The following NPLOC4 variants were observed in gnomAD, a reference collection of about 807,000 sequenced individuals.
NPLOC4 encodes the protein nuclear protein localization protein 4 homolog.
Under a neutral mutation model 80.6 loss-of-function variants are expected in NPLOC4, and 18 were observed. The ratio of observed to expected loss-of-function variants is 0.22; its 90% CI spans 0.15 to 0.33. NPLOC4 has a LOEUF of 0.33. Among genes scored for constraint, NPLOC4 ranks in the 10% least tolerant of loss-of-function variants. The pLI is 1.00. For missense variants in NPLOC4, 540 were observed against 786.1 expected (o/e 0.69, Z 3.74); for synonymous variants, 313 against 301.5 (o/e 1.04, Z -0.39).
chr17:81,606,923 A>G, intron 6 of NPLOC4, 109 bp from the exon 7 acceptor site: 1 of 1,001,990 alleles, frequency 1.0e-6, no homozygotes. Flanking sequence ...CTCAGGAGCT[A>G]AGCACGTGGC....
intron 11 of NPLOC4, 79 bp from the exon 12 acceptor site, chr17:81,589,183 G>GA: frequency 8.0e-7 from 1 of 1,255,548 alleles, no homozygotes; most frequent in Non-Finnish European, 1.1e-6. Flanking sequence ...CTTCACCTCT[G>GA]ATCAACAGAA....
intron 8 of NPLOC4, among the ~76,000 whole-genome samples, chr17:81,603,246 C>G (rs1160682517): frequency 6.6e-6 from 1 of 152,122 alleles, no homozygotes; most frequent in Non-Finnish European, 1.5e-5. Flanking sequence ...ATGAATATAC[C>G]TTGTTTGTAA....
intron 3 of NPLOC4, among the ~76,000 whole-genome samples, chr17:81,618,098 G>A (rs184664525): frequency 0.034 from 5,223 of 152,154 alleles, 220 homozygotes; most frequent in East Asian, 0.22. Context: ...GAAGTGAGGA[G>A]CCTCTCTGCC....
At chr17:81,588,696 G>T (rs1373725071) in intron 12 of NPLOC4, among the ~76,000 whole-genome samples, 2 of 152,196 alleles carry the variant, frequency 1.3e-5, no homozygotes, top group Admixed American at 6.5e-5. Context: ...TGCAATGGTC[G>T]GATTTGGTGT....
intron 16 of NPLOC4, chr17:81,560,958 T>C (rs1274742212): frequency 6.6e-6 from 1 of 152,146 alleles, no homozygotes; most frequent in African/African-American, 2.4e-5. Flanking sequence ...TGATGACTAA[T>C]GATAGTGACT....
At chr17:81,603,014 C>CACATAT (rs386627318) in intron 8 of NPLOC4, among the ~76,000 whole-genome samples, 5 of 141,086 alleles carry the variant, frequency 3.5e-5, no homozygotes, top group Non-Finnish European at 4.6e-5. Flanking sequence ...CACACACACA[C>CACATAT]ATATAAAAGT....
chr17:81,600,963 T>G (rs192725343), intron 8 of NPLOC4, among the ~76,000 whole-genome samples: 29 of 152,212 alleles, frequency 1.9e-4, no homozygotes, highest in African/African-American at 6.7e-4. Flanking sequence ...CAGAGAGCGA[T>G]GAGCTCACCA....
chr17:81,587,884 C>T (rs562020555), intron 12 of NPLOC4, among the ~76,000 whole-genome samples: 1 of 151,598 alleles, frequency 6.6e-6, no homozygotes, highest in South Asian at 2.1e-4. Flanking sequence ...ACCGTGTTAG[C>T]CAAGATGGTC....
chr17:81,616,490 G>A (rs1216200215), intron 3 of NPLOC4, among the ~76,000 whole-genome samples: 1 of 151,960 alleles, frequency 6.6e-6, no homozygotes, highest in East Asian at 1.9e-4. Context: ...CAGCACGTTG[G>A]GAGGCCGAGG....
chr17:81,563,588 GAA>G (rs751552683), intron 16 of NPLOC4: 139 of 145,344 alleles, frequency 9.6e-4, no homozygotes, highest in Middle Eastern at 9.2e-3. Flanking sequence ...AAACAAAAAA[GAA>G]AAAAAAAAAA....
At chr17:81,599,496 T>C (rs927906373) in intron 9 of NPLOC4, among the ~76,000 whole-genome samples, 1 of 152,198 alleles carries the variant, frequency 6.6e-6, no homozygotes, top group Non-Finnish European at 1.5e-5. Context: ...GATGTTTCTT[T>C]CCTAAAGACA....
intron 3 of NPLOC4, among the ~76,000 whole-genome samples, chr17:81,615,089 G>A (rs1682439937): frequency 8.0e-6 from 1 of 125,208 alleles, no homozygotes; most frequent in African/African-American, 3.4e-5. Flanking sequence ...CCACATCAGA[G>A]ACGTCTGTTT....
chr17:81,604,570 G>A lies in NPLOC4; in HGVS notation c.812C>T (p.Ala271Val). The A allele has an allele frequency of 6.2e-7, 1 of 1,611,892 alleles. No homozygotes were observed. Among genetic ancestry groups the A allele is most frequent in the East Asian group, 2.2e-5 (1 of 44,846 alleles). Reference sequence around the variant, plus strand: ...TACCTGAGGTGGCTCATAAATCGCAGCCACTTCAGCCCTGATGCCAAGGGG... The same window carrying A: ...TACCTGAGGTGGCTCATAAATCGCAACCACTTCAGCCCTGATGCCAAGGGG... ...DIPLGIRAEV[A>V]AIYEPPQIGT... Residue 271 changes from alanine (A) to valine (V), a missense_variant, in exon 8 of 17, where the codon GCT becomes GTT. By Grantham distance (64) the Ala-to-Val change is moderately conservative. This residue lies in a region of NPLOC4 where 251 missense variants were observed against 377.5 expected (regional missense o/e 0.66). Coordinates refer to ENST00000331134, the MANE Select transcript of NPLOC4 (RefSeq NM_017921.4).
intron 11 of NPLOC4, among the ~76,000 whole-genome samples, chr17:81,592,003 G>A (rs1229196164): frequency 6.6e-6 from 1 of 152,158 alleles, no homozygotes; most frequent in East Asian, 1.9e-4. Flanking sequence ...AGGGTCACTC[G>A]AGCAAAGCGC....
intron 8 of NPLOC4, among the ~76,000 whole-genome samples, chr17:81,603,014 C>CACACACACAT (rs386627318): frequency 5.7e-4 from 81 of 141,084 alleles, no homozygotes; most frequent in Middle Eastern, 3.7e-3. Flanking sequence ...CACACACACA[C>CACACACACAT]ATATAAAAGT....
rs147105056 is a variant in NPLOC4 at position 81,622,050 on chromosome 17, G to C, written c.209+116C>G. 2.1e-4 allele frequency: 152 copies of C among 734,706 alleles called. No individual in the cohort carries two copies. The African/African-American group carries it at 2.4e-3, about 12-fold the overall frequency. 45.5% of individuals were successfully genotyped at this position (734,706 alleles called of 1,614,324 possible). On this transcript the variant is annotated intron_variant, in intron 3 of 16. Coordinates refer to ENST00000331134, the MANE Select transcript of NPLOC4 (RefSeq NM_017921.4). ...ACGGTCATGTGTATTCTGGTCAGTT[G>C]ATAAGACCATAATGAGTGGTGTGAT...
At chr17:81,603,996 G>A (rs1414455364) in intron 8 of NPLOC4, among the ~76,000 whole-genome samples, 1 of 152,072 alleles carries the variant, frequency 6.6e-6, no homozygotes, top group Admixed American at 6.6e-5. Context: ...ATCATACCGA[G>A]AGGGCCTTCC....
chr17:81,618,354 G>A lies in NPLOC4; in HGVS notation c.209+3812C>T, dbSNP rs565154527. Among the ~76,000 whole-genome samples, 826 of 150,706 alleles carry A rather than the reference G, an allele frequency of 5.5e-3. 9 individuals carry two copies. The highest frequency in any genetic ancestry group is 0.019 in the African/African-American group (789 of 40,908). ...AGCGCCTCTGCCTGGCCGCGACCCC[G>A]TCTGGGAGGTGAGGAGCGTCTCTGC... On this transcript the variant is annotated intron_variant, in intron 3 of 16. Transcript: ENST00000331134.
chr17:81,629,220 TCTCA>T (rs2144329440), intron 2 of NPLOC4, among the ~76,000 whole-genome samples: 1 of 130,644 alleles, frequency 7.7e-6, no homozygotes, highest in South Asian at 2.4e-4. Context: ...TGAGATGGAG[TCTCA>T]CTCTGTTGCC....
Sources: allele counts gnomAD v4.1 joint callset (sites outside exome capture counted in the v4.1 genomes callset), GRCh38; gene constraint gnomAD v4.1.1; regional missense constraint gnomAD v4.1.1; transcripts MANE v1.5; gene names NCBI Gene and HGNC (gene_info 2026-07-23, HGNC 2026-07-21).